The following PTPRD variants were observed in gnomAD, a reference collection of about 807,000 sequenced individuals.
PTPRD encodes protein tyrosine phosphatase receptor type D.
A neutral mutation model predicts 214.5 loss-of-function variants in PTPRD; 34 were observed. That is an observed-to-expected ratio of 0.16 (90% CI 0.12 to 0.21). PTPRD has a LOEUF of 0.21. Among genes scored for constraint, PTPRD ranks in the 10% least tolerant of loss-of-function variants. The pLI, the probability that PTPRD is intolerant of heterozygous loss-of-function variation, is 1.00. For synonymous variants in PTPRD, 1,128 were observed against 845.7 expected (o/e 1.33, Z -5.79); for missense variants, 2,545 against 2,398.7 (o/e 1.06, Z -1.27).
At chr9:9,784,035 C>T (rs1052362632) in intron 5 of PTPRD, among the ~76,000 whole-genome samples, 4 of 151,980 alleles carry the variant, frequency 2.6e-5, no homozygotes, top group Non-Finnish European at 4.4e-5. Flanking sequence ...AGTCACAAAA[C>T]ATGAAAATGT....
intron 43 of PTPRD, 148 bp from the exon 44 acceptor site, chr9:8,331,884 ATGGTT>A: frequency 1.1e-6 from 1 of 902,612 alleles, no homozygotes; most frequent in Non-Finnish European, 1.6e-6. Context: ...AAACTTAGTT[ATGGTT>A]TATCTGCTAT....
At chr9:9,386,428 G>A (rs181350452) in intron 9 of PTPRD, among the ~76,000 whole-genome samples, 1 of 152,280 alleles carries the variant, frequency 6.6e-6, no homozygotes, top group East Asian at 1.9e-4. Flanking sequence ...AATGAAGAGT[G>A]AGGGTAGATC....
At chr9:9,970,153 T>A (rs1469007393) in intron 4 of PTPRD, among the ~76,000 whole-genome samples, 1 of 151,798 alleles carries the variant, frequency 6.6e-6, no homozygotes, top group Non-Finnish European at 1.5e-5. Context: ...CAGCAAATGG[T>A]TTTAGTCATG....
At position 8,550,806 on chromosome 9, in the gene PTPRD, T is replaced by A. The variant is rs745451046; in HGVS notation, c.353-22027A>T. Among the ~76,000 whole-genome samples the A allele has an allele frequency of 5.9e-5, 9 of 152,336 alleles. No homozygotes were observed. The South Asian group carries it at 1.9e-3, about 32-fold the overall frequency. On this transcript the variant is annotated intron_variant, in intron 14 of 45. Coordinates refer to ENST00000381196, the MANE Select transcript of PTPRD (RefSeq NM_002839.4). The stretch of plus-strand genomic sequence containing the variant: ...TCCTGACAAGAACACCCAAGGCAGA[T>A]CCAGTGTTCAATCTTTCTTTTGTAC...
At chr9:10,473,125 T>G (rs1161238025) in intron 2 of PTPRD, among the ~76,000 whole-genome samples, 1 of 152,052 alleles carries the variant, frequency 6.6e-6, no homozygotes, top group Non-Finnish European at 1.5e-5. Context: ...TTGGCCGACA[T>G]AGAAATTTGG....
rs548952778 is a variant in PTPRD at position 10,479,719 on chromosome 9, G to A, written c.-600+132679C>T. Among the ~76,000 whole-genome samples, 7 of 151,058 alleles carry A rather than the reference G, an allele frequency of 4.6e-5. 2 individuals are homozygous for A. Among genetic ancestry groups the A allele is most frequent in the African/African-American group, 1.7e-4 (7 of 40,782 alleles). The stretch of plus-strand genomic sequence containing the variant: ...GTGCACTGGTAGTCCCAGCTACTTG[G>A]GAGGCTGAGGTAAGGTCGCTTGAGC... On this transcript the variant is annotated intron_variant, in intron 2 of 45. Coordinates refer to ENST00000381196, the MANE Select transcript of PTPRD (RefSeq NM_002839.4).
intron 4 of PTPRD, among the ~76,000 whole-genome samples, chr9:10,005,528 C>G (rs1343822822): frequency 6.6e-6 from 1 of 151,996 alleles, no homozygotes; most frequent in African/African-American, 2.4e-5. Context: ...AAATGGTTAT[C>G]AGAAAGTCGA....
intron 3 of PTPRD, among the ~76,000 whole-genome samples, chr9:10,189,161 C>T (rs1388197418): frequency 1.3e-5 from 2 of 152,070 alleles, no homozygotes; most frequent in Admixed American, 6.6e-5. Context: ...TTGGACTGGT[C>T]GCCCTGGAGT....
At chr9:9,479,900 T>C (rs1384633405) in intron 8 of PTPRD, among the ~76,000 whole-genome samples, 3 of 152,148 alleles carry the variant, frequency 2.0e-5, no homozygotes, top group African/African-American at 7.2e-5. Flanking sequence ...CAATACTGAA[T>C]GGTTATTTGG....
At chr9:9,394,887 T>A (rs983140218) in intron 9 of PTPRD, among the ~76,000 whole-genome samples, 3 of 152,202 alleles carry the variant, frequency 2.0e-5, no homozygotes, top group Non-Finnish European at 2.9e-5. Context: ...GCTCTATATT[T>A]GTAACAATTG....
intron 12 of PTPRD, among the ~76,000 whole-genome samples, chr9:8,654,140 T>C (rs1343561281): frequency 6.6e-6 from 1 of 152,158 alleles, no homozygotes; most frequent in Non-Finnish European, 1.5e-5. Context: ...TTATCAAATG[T>C]CTCCTGGGAA....
intron 3 of PTPRD, among the ~76,000 whole-genome samples, chr9:10,129,713 A>G (rs1264166922): frequency 2.0e-5 from 3 of 151,974 alleles, no homozygotes; most frequent in Non-Finnish European, 1.5e-5. Context: ...CCGTTCTGTC[A>G]GTAGCAAAGT....
chr9:10,047,308 CTAACTG>C (rs764725064), intron 3 of PTPRD, among the ~76,000 whole-genome samples: 2 of 117,188 alleles, frequency 1.7e-5, no homozygotes, highest in Non-Finnish European at 3.7e-5. Context: ...ATAAAATCAA[CTAACTG>C]TGTGTGTGTG....
chr9:9,489,178 G>A (rs1341773987), intron 8 of PTPRD, among the ~76,000 whole-genome samples: 1 of 152,110 alleles, frequency 6.6e-6, no homozygotes, highest in Non-Finnish European at 1.5e-5. Context: ...AATGACATAG[G>A]CGCAGAAAAA....
chr9:9,097,709 C>A (rs961765452), intron 10 of PTPRD, among the ~76,000 whole-genome samples: 5 of 152,096 alleles, frequency 3.3e-5, no homozygotes, highest in African/African-American at 1.2e-4. Context: ...CAATCAAGTG[C>A]AAATCCTCTC....
chr9:9,881,146 A>C (rs1276618522), intron 5 of PTPRD, among the ~76,000 whole-genome samples: 11 of 152,184 alleles, frequency 7.2e-5, no homozygotes, highest in Admixed American at 5.9e-4. Flanking sequence ...TTAAAAAAAT[A>C]AATTCTATAT....
chr9:9,696,055 G>T (rs1051824363), intron 7 of PTPRD, among the ~76,000 whole-genome samples: 1 of 151,976 alleles, frequency 6.6e-6, no homozygotes, highest in Non-Finnish European at 1.5e-5. Flanking sequence ...TTTTATTACA[G>T]CTTCGACCTT....
chr9:10,000,639 A>G (rs2096284032), intron 4 of PTPRD, among the ~76,000 whole-genome samples: 1 of 152,208 alleles, frequency 6.6e-6, no homozygotes, highest in Non-Finnish European at 1.5e-5. Context: ...AGTTCTTGAT[A>G]AGACTTTTTC....
At chr9:8,581,913 C>CAAAAAAAAAAAAAAAAAAA (rs36007156) in intron 14 of PTPRD, among the ~76,000 whole-genome samples, 4 of 34,962 alleles carry the variant, frequency 1.1e-4, no homozygotes, top group African/African-American at 2.5e-4. Flanking sequence ...ACTCAATCTC[C>CAAAAAAAAAAAAAAAAAAA]AAAAAAAAAA....
Sources: gnomAD v4.1 joint callset for allele counts (sites outside exome capture counted in the v4.1 genomes callset) on GRCh38, gnomAD v4.1.1 for gene constraint, MANE v1.5 for transcripts, NCBI Gene and HGNC (gene_info 2026-07-23, HGNC 2026-07-21) for gene names.